ADTRP: variants seen among roughly 807,000 people sequenced by gnomAD.
ADTRP encodes androgen-dependent TFPI-regulating protein.
A neutral mutation model predicts 27.0 loss-of-function variants in ADTRP; 20 were observed. The observed-to-expected ratio is 0.74, with a 90% confidence interval of 0.52 to 1.08. The LOEUF is 1.08. Among genes scored for constraint, ADTRP ranks in the 50% least tolerant of loss-of-function variants. ADTRP has a pLI of 0.00. For synonymous variants in ADTRP, 101 were observed against 105.2 expected (o/e 0.96, Z 0.25); for missense variants, 251 against 275.0 (o/e 0.91, Z 0.62).
At chr6:11,725,899 C>A (rs1375680861) in intron 4 of ADTRP, among the ~76,000 whole-genome samples, 128 of 89,872 alleles carry the variant, frequency 1.4e-3, no homozygotes, top group African/African-American at 1.9e-3. Context: ...GACTCTATCT[C>A]AAAAAAAAAA....
At chr6:11,756,960 C>A (rs1479452246) in intron 3 of ADTRP, among the ~76,000 whole-genome samples, 2 of 152,166 alleles carry the variant, frequency 1.3e-5, no homozygotes, top group Admixed American at 1.3e-4. Context: ...TGAATTAGGG[C>A]TCACTATTTG....
chr6:11,770,096 A>G (rs1395600356), intron 1 of ADTRP: 1 of 1,542,924 alleles, frequency 6.5e-7, no homozygotes, highest in Non-Finnish European at 8.7e-7. Context: ...TAGACTTCGA[A>G]AAAATAAAAA....
chr6:11,725,683 C>A (rs552411404), intron 4 of ADTRP, among the ~76,000 whole-genome samples: 2 of 152,014 alleles, frequency 1.3e-5, no homozygotes, highest in African/African-American at 2.4e-5. Context: ...CTTCTGGGTA[C>A]ACACCCAAAA....
chr6:11,734,955 C>T (rs1244790293), intron 4 of ADTRP, among the ~76,000 whole-genome samples: 1 of 151,956 alleles, frequency 6.6e-6, no homozygotes, highest in African/African-American at 2.4e-5. Flanking sequence ...TTCCCACTCA[C>T]TGGGTGAAAG....
intron 3 of ADTRP, among the ~76,000 whole-genome samples, chr6:11,757,986 G>A (rs1763265993): frequency 6.6e-6 from 1 of 152,148 alleles, no homozygotes. Flanking sequence ...CCTGCCTTGG[G>A]CTCAGACATT....
At chr6:11,716,255 T>C (rs1178899273) in intron 5 of ADTRP, among the ~76,000 whole-genome samples, 1 of 152,188 alleles carries the variant, frequency 6.6e-6, no homozygotes, top group Non-Finnish European at 1.5e-5. Context: ...CTAACTGTAA[T>C]AATAACCTCA....
At position 11,723,419 on chromosome 6, in the gene ADTRP, G is replaced by T. The variant is rs1443265858; in HGVS notation, c.588C>A (p.Phe196Leu). Residue 196 changes from phenylalanine (F) to leucine (L), a missense_variant, in exon 5 of 6, where the codon TTC becomes TTA. Physicochemically the swap from Phe to Leu is conservative, Grantham distance 22. Coordinates refer to ENST00000414691, the MANE Select transcript of ADTRP (RefSeq NM_032744.4). The stretch of plus-strand genomic sequence containing the variant: ...CGATGAAGACGTAGCTGAGAGAGAA[G>T]AAAGCTGCTAGACCCAAGAGGCTGA... ...AKLSLLGLAA[F>L]FSLSYVFIAS... 3.1e-6 allele frequency: 5 copies of T among 1,614,164 alleles called. No homozygotes were observed. Among genetic ancestry groups the T allele is most frequent in the Non-Finnish European group, 4.2e-6 (5 of 1,180,032 alleles).
chr6:11,741,719 T>A (rs114151967), intron 3 of ADTRP, among the ~76,000 whole-genome samples: 1,264 of 76,964 alleles, frequency 0.016, 11 homozygotes, highest in Non-Finnish European at 0.023. Context: ...TAAGATTTTT[T>A]TTAAAAAAAA....
chr6:11,717,543 CA>C (rs1421700074), intron 5 of ADTRP: 1 of 1,076,946 alleles, frequency 9.3e-7, no homozygotes, highest in East Asian at 6.7e-5. Context: ...CAAAGATTTA[CA>C]CCTATGTATC....
intron 3 of ADTRP, among the ~76,000 whole-genome samples, chr6:11,756,225 G>A (rs567297871): frequency 6.6e-6 from 1 of 152,254 alleles, no homozygotes; most frequent in South Asian, 2.1e-4. Context: ...GCCAGGCGTT[G>A]CATGTGCCCA....
At chr6:11,733,628 C>T (rs749751267) in intron 4 of ADTRP, among the ~76,000 whole-genome samples, 60 of 152,318 alleles carry the variant, frequency 3.9e-4, no homozygotes, top group Admixed American at 9.8e-4. Flanking sequence ...CTGTTATGCT[C>T]CTCTTTCCCG....
intron 3 of ADTRP, among the ~76,000 whole-genome samples, chr6:11,741,029 C>G (rs940249853): frequency 2.0e-5 from 3 of 152,118 alleles, no homozygotes; most frequent in African/African-American, 7.2e-5. Context: ...TCTAGGAACT[C>G]AAGTGCACAG....
At chr6:11,714,660 T>G in intron 5 of ADTRP, 148 bp from the exon 6 acceptor site, 1 of 863,596 alleles carries the variant, frequency 1.2e-6, no homozygotes, top group Non-Finnish European at 1.8e-6. Flanking sequence ...TAAGGAGTTA[T>G]GAAAAAACAG....
At chr6:11,719,773 C>G (rs184289125) in intron 5 of ADTRP, among the ~76,000 whole-genome samples, 3 of 152,346 alleles carry the variant, frequency 2.0e-5, no homozygotes, top group African/African-American at 7.2e-5. Context: ...CGTGCATCAT[C>G]TCTGTCCGTC....
intron 5 of ADTRP, among the ~76,000 whole-genome samples, chr6:11,721,253 A>G (rs1287607056): frequency 3.9e-5 from 6 of 152,204 alleles, no homozygotes; most frequent in Admixed American, 3.9e-4. Context: ...AAGAAACAAC[A>G]TCAACGTGGA....
intron 1 of ADTRP, among the ~76,000 whole-genome samples, chr6:11,772,455 C>T (rs1763814713): frequency 6.6e-6 from 1 of 152,206 alleles, no homozygotes; most frequent in Non-Finnish European, 1.5e-5. Context: ...TATCTCTTGC[C>T]TTTAAGCCAG....
chr6:11,770,003 C>T, intron 1 of ADTRP: 1 of 1,551,406 alleles, frequency 6.4e-7, no homozygotes, highest in Non-Finnish European at 8.7e-7. Flanking sequence ...CCCCCGCCCA[C>T]CACCATTTTA....
At chr6:11,762,730 T>A (rs1348340361) in intron 3 of ADTRP, among the ~76,000 whole-genome samples, 1 of 152,200 alleles carries the variant, frequency 6.6e-6, no homozygotes, top group African/African-American at 2.4e-5. Flanking sequence ...GCACACACGT[T>A]CTCAATAATC....
chr6:11,770,141 G>T, intron 1 of ADTRP: 1 of 1,492,130 alleles, frequency 6.7e-7, no homozygotes, highest in Non-Finnish European at 9.1e-7. Context: ...TTCAGATAAA[G>T]CATTGTGGGA....
Sources: allele counts gnomAD v4.1 joint callset (sites outside exome capture counted in the v4.1 genomes callset), GRCh38; gene constraint gnomAD v4.1.1; transcripts MANE v1.5; gene names NCBI Gene and HGNC (gene_info 2026-07-23, HGNC 2026-07-21).